Variants in ANKRD36 observed in about 807,000 individuals in gnomAD.
The protein encoded by ANKRD36 is ankyrin repeat domain 36.
Under a neutral mutation model 278.1 loss-of-function variants are expected in ANKRD36, and 179 were observed. The ratio of observed to expected loss-of-function variants is 0.64; its 90% CI spans 0.57 to 0.73. The LOEUF (loss-of-function observed/expected upper bound fraction) is 0.73, where lower values mean the gene tolerates loss of function less well. Among genes scored for constraint, ANKRD36 ranks in the 30% least tolerant of loss-of-function variants. ANKRD36 has a pLI of 0.00. For missense variants in ANKRD36, 1,159 were observed against 1,956.7 expected, an observed-to-expected ratio of 0.59 and a Z score of 7.69; for synonymous variants, 320 against 641.1, an observed-to-expected ratio of 0.50 and a Z score of 7.57.
rs1195286856 is a variant in ANKRD36, at chr2:97,122,905, T to C, written c.505T>C (p.Leu169=). 1.3e-6 allele frequency: 2 copies of C among 1,542,994 alleles called. No homozygotes were observed. The change falls in exon 4 of 76, where the codon TTA becomes CTA. Residue 169 remains leucine (L), a synonymous_variant. Transcript: ENST00000420699. ...ECSKCEYQPL[L]FAVSRRKVKM... is the part of the protein sequence containing the mutation. Reference sequence around the variant, plus strand: ...TTTACAGTGTGAATATCAGCCACTGTTATTTGCTGTGAGTCGAAGAAAAGT... The same window carrying C: ...TTTACAGTGTGAATATCAGCCACTGCTATTTGCTGTGAGTCGAAGAAAAGT...
At chr2:97,220,728 G>GC (rs1299649701) in intron 66 of ANKRD36, among the ~76,000 whole-genome samples, 7 of 23,870 alleles carry the variant, frequency 2.9e-4, no homozygotes, top group Admixed American at 6.9e-4. Context: ...TGATTTTCTT[G>GC]CTTTTTTTTT....
At chr2:97,197,068 T>C (rs1273946946) in intron 42 of ANKRD36, among the ~76,000 whole-genome samples, 1 of 151,916 alleles carries the variant, frequency 6.6e-6, no homozygotes, top group East Asian at 1.9e-4. Context: ...TAGTTTTGCT[T>C]TAATTCTCCA....
intron 38 of ANKRD36, among the ~76,000 whole-genome samples, chr2:97,193,759 A>C (rs1436096498): frequency 6.6e-6 from 1 of 151,652 alleles, no homozygotes; most frequent in Non-Finnish European, 1.5e-5. Flanking sequence ...TAGTTATAAA[A>C]ATCAGATAAT....
intron 30 of ANKRD36, among the ~76,000 whole-genome samples, chr2:97,186,597 T>C (rs2057456775): frequency 6.6e-6 from 1 of 151,486 alleles, no homozygotes; most frequent in Non-Finnish European, 1.5e-5. Flanking sequence ...CTTAGGCAAA[T>C]TGTTGCACCA....
chr2:97,213,343 G>T, intron 58 of ANKRD36, 76 bp from the exon 59 acceptor site: 1 of 405,128 alleles, frequency 2.5e-6, no homozygotes, highest in South Asian at 2.5e-5. Flanking sequence ...ACATCTTGAT[G>T]CCAACAGTGC....
chr2:97,135,708 A>C (rs1048952838), intron 6 of ANKRD36, among the ~76,000 whole-genome samples: 1 of 151,758 alleles, frequency 6.6e-6, no homozygotes, highest in African/African-American at 2.4e-5. Context: ...AGTAGATATC[A>C]TATATAATGT....
Position 97,204,429 on chromosome 2 carries a change from T to A in ANKRD36, c.3061+166T>A, listed in dbSNP as rs200113730. 2.0e-4 allele frequency among the ~76,000 whole-genome samples: 30 copies of A among 151,344 alleles called. No homozygotes were observed. In the East Asian group the frequency reaches 2.5e-3, roughly 12 times the overall value. The stretch of plus-strand genomic sequence containing the variant: ...TTGGGTGATGCTGATGCTGCTGGTC[T>A]GGAACATGATCTTCACAGTAAGATT... On this transcript the variant is annotated intron_variant, in intron 50 of 75. Coordinates refer to ENST00000420699, the MANE Select transcript of ANKRD36 (RefSeq NM_001354587.1).
intron 42 of ANKRD36, among the ~76,000 whole-genome samples, chr2:97,198,122 G>C (rs1219755049): frequency 3.9e-5 from 6 of 151,920 alleles, no homozygotes; most frequent in Non-Finnish European, 7.4e-5. Context: ...CACCTGCTTT[G>C]ACATTGATTC....
intron 12 of ANKRD36, 88 bp from the exon 13 acceptor site, chr2:97,151,791 T>C: frequency 2.1e-6 from 2 of 939,512 alleles, no homozygotes; most frequent in Non-Finnish European, 3.2e-6. Context: ...GTCCATACTT[T>C]TCCTGTTAGA....
chr2:97,228,175 C>G (rs1224346846), intron 67 of ANKRD36, among the ~76,000 whole-genome samples: 1 of 152,110 alleles, frequency 6.6e-6, no homozygotes, highest in Non-Finnish European at 1.5e-5. Context: ...AGGGTTCCCT[C>G]TTTTTCTATT....
At position 97,178,083 on chromosome 2, in the gene ANKRD36, A is replaced by C. The variant is rs1247843763; in HGVS notation, c.1634-1655A>C. On this transcript the variant is annotated intron_variant, in intron 22 of 75. Transcript: ENST00000420699. ...CCAAAAAACACATGAAAAAATGCTC[A>C]TCATCACTGGCCATCAGAGAAATGC... Among the ~76,000 whole-genome samples, 4 of 150,836 alleles carry C rather than the reference A, an allele frequency of 2.7e-5. No individual in the cohort carries two copies. In the East Asian group the frequency reaches 7.8e-4, roughly 29 times the overall value.
Position 97,152,490 on chromosome 2 carries a change from T to A in ANKRD36, c.1163-14T>A, listed in dbSNP as rs555671936. 1.4e-6 allele frequency: 2 copies of A among 1,458,040 alleles called. No individual in the cohort carries two copies. Among genetic ancestry groups the A allele is most frequent in the Non-Finnish European group, 1.9e-6 (2 of 1,079,408 alleles). The allele number at this position is 1,458,040 out of a possible 1,614,324, so 90.3% of individuals were successfully genotyped here. A position where few individuals can be genotyped will look rare whatever the true frequency, so the allele number is the denominator to read the frequency against. On this transcript the variant is annotated splice_polypyrimidine_tract_variant and intron_variant, in intron 13 of 75. Transcript: ENST00000420699. ...ATTGTTGATTTAAAATGCATTTTAC[T>A]TTTTCTTTAATAGTGCTTCCTCCTG...
At chr2:97,174,331 A>G (rs964789824) in intron 22 of ANKRD36, among the ~76,000 whole-genome samples, 3 of 151,562 alleles carry the variant, frequency 2.0e-5, no homozygotes, top group Non-Finnish European at 2.9e-5. Flanking sequence ...ATATTTGCAT[A>G]AGGGATGATT....
At chr2:97,146,630 T>G (rs2044339252) in intron 11 of ANKRD36, 114 bp downstream of exon 11, 1 of 1,008,992 alleles carries the variant, frequency 9.9e-7, no homozygotes, top group Admixed American at 3.6e-5. Flanking sequence ...ACATGCTTAA[T>G]ATTTATCATG....
intron 67 of ANKRD36, among the ~76,000 whole-genome samples, chr2:97,230,470 C>T (rs2071559896): frequency 6.6e-6 from 1 of 152,098 alleles, no homozygotes; most frequent in Non-Finnish European, 1.5e-5. Context: ...AGTTCTCGAG[C>T]CTCGGCTTTC....
intron 68 of ANKRD36, among the ~76,000 whole-genome samples, chr2:97,240,882 TC>T (rs1162797302): frequency 7.8e-5 from 10 of 127,858 alleles, no homozygotes; most frequent in Non-Finnish European, 1.1e-4. Context: ...CTTAACTGCT[TC>T]TTTCTCATCC....
chr2:97,140,004 TTG>T (rs2042464082), intron 6 of ANKRD36, among the ~76,000 whole-genome samples: 1 of 151,958 alleles, frequency 6.6e-6, no homozygotes, highest in South Asian at 2.1e-4. Flanking sequence ...GCTCTGGTTT[TTG>T]TGTGTGAATG....
chr2:97,182,987 A>T (rs767425788), intron 26 of ANKRD36, among the ~76,000 whole-genome samples: 2 of 151,700 alleles, frequency 1.3e-5, no homozygotes, highest in Non-Finnish European at 2.9e-5. Context: ...CTAAAGTGTC[A>T]TTGTCATTGT....
At chr2:97,154,577 A>T (rs1458807853) in intron 14 of ANKRD36, 98 bp from the exon 15 acceptor site, 10 of 994,176 alleles carry the variant, frequency 1.0e-5, no homozygotes, top group South Asian at 1.5e-5. Flanking sequence ...TTGTTTTACC[A>T]TTTTTTTTGG....
Sources: gnomAD v4.1 joint callset for allele counts (sites outside exome capture counted in the v4.1 genomes callset) on GRCh38, gnomAD v4.1.1 for gene constraint, MANE v1.5 for transcripts, NCBI Gene and HGNC (gene_info 2026-07-23, HGNC 2026-07-21) for gene names.